SPOCK1: variants seen among roughly 807,000 people sequenced by gnomAD.
SPOCK1 encodes testican-1.
Under a neutral mutation model 55.3 loss-of-function variants are expected in SPOCK1, and 23 were observed. That is an observed-to-expected ratio of 0.42 (90% CI 0.30 to 0.59). SPOCK1 has a LOEUF of 0.59. Ranked by LOEUF, SPOCK1 falls within the 20% of genes least tolerant of loss-of-function variation. SPOCK1 has a pLI of 0.22. For synonymous variants in SPOCK1, 226 were observed against 221.0 expected (o/e 1.02, Z -0.20); for missense variants, 499 against 552.5 (o/e 0.90, Z 0.97).
intron 2 of SPOCK1, among the ~76,000 whole-genome samples, chr5:137,416,207 GC>G (rs1216339981): frequency 6.6e-6 from 1 of 151,214 alleles, no homozygotes; most frequent in Non-Finnish European, 1.5e-5. Context: ...TCTATACCAA[GC>G]AAAAATGTCT....
chr5:137,122,372 C>T (rs186127437), intron 4 of SPOCK1, among the ~76,000 whole-genome samples: 8 of 152,146 alleles, frequency 5.3e-5, no homozygotes, highest in South Asian at 2.1e-4. Flanking sequence ...GAAATGTAAA[C>T]GAACAGTTGA....
At chr5:137,239,295 A>G (rs1756239626) in intron 3 of SPOCK1, among the ~76,000 whole-genome samples, 1 of 152,210 alleles carries the variant, frequency 6.6e-6, no homozygotes, top group South Asian at 2.1e-4. Flanking sequence ...CTCCACAGGG[A>G]AACTCCTGCA....
intron 5 of SPOCK1, among the ~76,000 whole-genome samples, chr5:137,070,458 C>T (rs1290821262): frequency 6.6e-6 from 1 of 152,078 alleles, no homozygotes; most frequent in African/African-American, 2.4e-5. Context: ...TACACAGAGC[C>T]CTGGCATAGA....
At chr5:137,476,344 G>C (rs554735996) in intron 2 of SPOCK1, among the ~76,000 whole-genome samples, 3 of 152,296 alleles carry the variant, frequency 2.0e-5, no homozygotes, top group African/African-American at 7.2e-5. Flanking sequence ...AGAAACACAG[G>C]TGGGAGCAAG....
At chr5:137,343,812 G>A (rs1452231575) in intron 2 of SPOCK1, among the ~76,000 whole-genome samples, 3 of 152,184 alleles carry the variant, frequency 2.0e-5, no homozygotes, top group African/African-American at 7.2e-5. Context: ...AAGCCTGTAA[G>A]GTGCTGGGGG....
chr5:137,199,758 T>C lies in SPOCK1; in HGVS notation c.233-59064A>G, dbSNP rs186344229. On this transcript the variant is annotated intron_variant, in intron 3 of 10. Coordinates refer to ENST00000394945, the MANE Select transcript of SPOCK1 (RefSeq NM_004598.4). ...GCCTAGGTGATGCATCTCATGGTGCTAAATACCAACTACAAGCTGATGACT... is the reference window on the plus strand; with the variant it reads ...GCCTAGGTGATGCATCTCATGGTGCCAAATACCAACTACAAGCTGATGACT... 2.6e-5 allele frequency among the ~76,000 whole-genome samples: 4 copies of C among 152,244 alleles called. No individual in the cohort carries two copies. In the East Asian group the frequency reaches 5.8e-4, roughly 22 times the overall value.
Position 136,978,049 on chromosome 5 carries a change from A to T in SPOCK1, c.*605T>A, listed in dbSNP as rs2126955729. The T allele has an allele frequency of 5.0e-6, 2 of 398,038 alleles. No homozygotes were observed. The highest frequency in any genetic ancestry group is 2.8e-4 in the South Asian group (2 of 7,052). 24.7% of individuals were successfully genotyped at this position (398,038 alleles called of 1,614,324 possible). On this transcript the variant is annotated 3_prime_UTR_variant, in exon 11 of 11. Transcript: ENST00000394945. ...AAGTATCCAGACACCAATTTTTAATAAAATGAATTCCCCAAAGGGAGTCTT... is the reference window on the plus strand; with the variant it reads ...AAGTATCCAGACACCAATTTTTAATTAAATGAATTCCCCAAAGGGAGTCTT...
At chr5:137,251,321 C>T (rs776396667) in intron 3 of SPOCK1, among the ~76,000 whole-genome samples, 4 of 152,178 alleles carry the variant, frequency 2.6e-5, no homozygotes, top group Non-Finnish European at 5.9e-5. Context: ...TGTTGTGTTG[C>T]CTGTTTGTTT....
At chr5:137,171,438 C>T (rs540715595) in intron 3 of SPOCK1, among the ~76,000 whole-genome samples, 37 of 152,196 alleles carry the variant, frequency 2.4e-4, no homozygotes, top group South Asian at 1.0e-3. Context: ...AACTGAGAAG[C>T]GACCTTCTTG....
intron 2 of SPOCK1, among the ~76,000 whole-genome samples, chr5:137,273,000 G>T (rs551759463): frequency 6.6e-6 from 1 of 152,208 alleles, no homozygotes; most frequent in East Asian, 1.9e-4. Flanking sequence ...CCTGAATAGA[G>T]CAATTCTTTG....
intron 2 of SPOCK1, among the ~76,000 whole-genome samples, chr5:137,396,794 T>C (rs1751857927): frequency 6.6e-6 from 1 of 152,204 alleles, no homozygotes; most frequent in African/African-American, 2.4e-5. Context: ...GTATACTTAT[T>C]AATCTCATGT....
At chr5:137,264,763 T>C (rs1299111664) in intron 3 of SPOCK1, among the ~76,000 whole-genome samples, 1 of 152,140 alleles carries the variant, frequency 6.6e-6, no homozygotes, top group African/African-American at 2.4e-5. Context: ...TTTCACCAAG[T>C]GGTGTCAGCG....
intron 3 of SPOCK1, among the ~76,000 whole-genome samples, chr5:137,265,905 A>G (rs1756838897): frequency 6.6e-6 from 1 of 152,154 alleles, no homozygotes; most frequent in East Asian, 1.9e-4. Flanking sequence ...ATTTTTCTCT[A>G]TCCCCAGTAC....
intron 4 of SPOCK1, among the ~76,000 whole-genome samples, chr5:137,128,782 C>A (rs984617145): frequency 1.3e-5 from 2 of 152,210 alleles, no homozygotes; most frequent in African/African-American, 4.8e-5. Flanking sequence ...TATCTGAGTT[C>A]AACCCTCCCC....
intron 9 of SPOCK1, among the ~76,000 whole-genome samples, chr5:136,984,101 C>T (rs1351043100): frequency 2.0e-5 from 3 of 152,166 alleles, no homozygotes; most frequent in African/African-American, 7.2e-5. Context: ...AGCCACTTTG[C>T]CTTCAGACCA....
intron 4 of SPOCK1, among the ~76,000 whole-genome samples, chr5:137,138,984 G>C (rs1754043852): frequency 1.3e-5 from 2 of 152,144 alleles, no homozygotes; most frequent in Admixed American, 1.3e-4. Context: ...TGCCTCACTA[G>C]CTTCAGTCCT....
intron 2 of SPOCK1, among the ~76,000 whole-genome samples, chr5:137,443,273 T>G (rs1192074002): frequency 1.3e-5 from 2 of 152,164 alleles, no homozygotes; most frequent in East Asian, 3.9e-4. Flanking sequence ...ATAGCAGACC[T>G]CCAATTCATG....
intron 3 of SPOCK1, among the ~76,000 whole-genome samples, chr5:137,250,587 ACTGC>A (rs968188336): frequency 6.6e-6 from 1 of 152,074 alleles, no homozygotes; most frequent in Non-Finnish European, 1.5e-5. Flanking sequence ...CATCCTCCCC[ACTGC>A]CTGCCAACAC....
intron 3 of SPOCK1, among the ~76,000 whole-genome samples, chr5:137,164,035 A>C (rs1754605439): frequency 6.6e-6 from 1 of 152,162 alleles, no homozygotes; most frequent in African/African-American, 2.4e-5. Context: ...TAAACTCTGA[A>C]AGCAGAGAGG....
Sources: allele counts gnomAD v4.1 joint callset (sites outside exome capture counted in the v4.1 genomes callset), GRCh38; gene constraint gnomAD v4.1.1; transcripts MANE v1.5; gene names NCBI Gene and HGNC (gene_info 2026-07-23, HGNC 2026-07-21).